CHORDC1: variants seen among roughly 807,000 people sequenced by gnomAD.
CHORDC1 encodes cysteine and histidine rich domain containing 1.
Under a neutral mutation model 48.3 loss-of-function variants are expected in CHORDC1, and 25 were observed. The observed-to-expected ratio is 0.52, with a 90% CI of 0.38 to 0.72. The LOEUF (loss-of-function observed/expected upper bound fraction) is 0.72. Ranked by LOEUF, CHORDC1 falls within the 30% of genes least tolerant of loss-of-function variation. The pLI is 0.00. For synonymous variants in CHORDC1, 128 were observed against 126.4 expected, an observed-to-expected ratio of 1.01 and a Z score of -0.09; for missense variants, 317 against 388.7, an observed-to-expected ratio of 0.82 and a Z score of 1.55.
chr11:90,203,529 A>C (rs944247927), intron 8 of CHORDC1, 102 bp from the exon 9 acceptor site: 2 of 1,095,592 alleles, frequency 1.8e-6, no homozygotes, highest in Non-Finnish European at 2.5e-6. Flanking sequence ...CATGCACAAC[A>C]ACTAAGCACT....
chr11:90,215,117 G>A, intron 3 of CHORDC1, 57 bp downstream of exon 3: 2 of 1,028,386 alleles, frequency 1.9e-6, no homozygotes, highest in Non-Finnish European at 2.8e-6. Context: ...CAAATCTGAA[G>A]CTTTCTATAA....
intron 1 of CHORDC1, chr11:90,222,542 G>C (rs1250832732): frequency 2.0e-6 from 1 of 491,944 alleles, no homozygotes; most frequent in Non-Finnish European, 3.8e-6. Flanking sequence ...GTTAATTTTT[G>C]CTTCCCCAGA....
rs754173552 is a variant in CHORDC1, at chr11:90,206,241, ACTT to A, written c.521_523del (p.Glu174del). The A allele has an allele frequency of 2.4e-5, 38 of 1,576,862 alleles. 1 individual carries two copies. Among genetic ancestry groups the A allele is most frequent in the Admixed American group, 1.0e-4 (6 of 59,882 alleles). ...AGGTACTCCAGAATGATATACACAG[ACTT>A]CTTCTAGACTCTCTAGACCCTGGTA... On this transcript the variant is annotated inframe_deletion, in exon 7 of 11. Coordinates refer to ENST00000320585, the MANE Select transcript of CHORDC1 (RefSeq NM_012124.3).
Position 90,207,773 on chromosome 11 carries a change from AAAAAAC to A in CHORDC1, c.493-1507_493-1502del, listed in dbSNP as rs1312413946. 4.7e-5 allele frequency: 7 copies of A among 148,754 alleles called. No individual in the cohort carries two copies. The East Asian group carries it at 5.9e-4, about 13-fold the overall frequency. 9.2% of individuals were successfully genotyped at this position (148,754 alleles called of 1,614,324 possible). A position where few individuals can be genotyped will look rare whatever the true frequency, so the allele number is the denominator to read the frequency against. On this transcript the variant is annotated intron_variant, in intron 6 of 10. Transcript: ENST00000320585. ...AATGGTTAAAATACAAAAAAAAAAA[AAAAAAC>A]AAAAAAAACTCGTATAACAAAATGT...
chr11:90,208,546 AAAC>A (rs1857770212), intron 6 of CHORDC1: 1 of 152,218 alleles, frequency 6.6e-6, no homozygotes, highest in Non-Finnish European at 1.5e-5. Context: ...AGAAATAAAA[AAAC>A]AAAACTAAAG....
At chr11:90,209,630 G>C (rs1410248352) in intron 6 of CHORDC1, among the ~76,000 whole-genome samples, 3 of 152,106 alleles carry the variant, frequency 2.0e-5, no homozygotes, top group Non-Finnish European at 4.4e-5. Context: ...AAAAAGGAGA[G>C]GGAGAAGAAA....
At chr11:90,207,779 C>CAAAAAAAAAA (rs1231587858) in intron 6 of CHORDC1, 2 of 91,304 alleles carry the variant, frequency 2.2e-5, no homozygotes, top group African/African-American at 8.2e-5. Context: ...AAAAAAAAAA[C>CAAAAAAAAAA]AAAAAAAACT....
Position 90,218,197 on chromosome 11 carries a change from GA to G in CHORDC1, c.65-14del. On this transcript the variant is annotated splice_polypyrimidine_tract_variant and intron_variant, in intron 1 of 10. Transcript: ENST00000320585. ...TATGTGCAAGCATCTGGAGAAAACAGAGAAAAAAAAAAAAGTACCACTCTTT... is the reference window on the plus strand; with the variant it reads ...TATGTGCAAGCATCTGGAGAAAACAGGAAAAAAAAAAAAGTACCACTCTTT... The G allele has an allele frequency of 6.8e-7, 1 of 1,478,626 alleles. No homozygotes were observed. The highest frequency in any genetic ancestry group is 8.9e-7 in the Non-Finnish European group (1 of 1,118,032). The allele number at this position is 1,478,626 out of a possible 1,614,324, so 91.6% of individuals were successfully genotyped here. A position where few individuals can be genotyped will look rare whatever the true frequency, so the allele number is the denominator to read the frequency against.
At chr11:90,206,473 C>T (rs752932156) in intron 6 of CHORDC1, 5 of 485,958 alleles carry the variant, frequency 1.0e-5, no homozygotes, top group Non-Finnish European at 1.9e-5. Context: ...GTTTTAGGTT[C>T]CTTTGAGAAA....
intron 8 of CHORDC1, among the ~76,000 whole-genome samples, chr11:90,205,166 C>A (rs781042667): frequency 6.6e-6 from 1 of 152,058 alleles, no homozygotes; most frequent in Non-Finnish European, 1.5e-5. Context: ...TAGGAAGAGG[C>A]CATGGAGCTA....
rs746528071 is a variant in CHORDC1, at chr11:90,215,240, A to G, written c.115-10T>C. On this transcript the variant is annotated splice_polypyrimidine_tract_variant and intron_variant, in intron 2 of 10. Transcript: ENST00000320585. ...TACAGCAAGACCAACCCTATGAAAA[A>G]CAAGAGAAGGAAACTAAAAACTCTA... 3.2e-6 allele frequency: 5 copies of G among 1,541,150 alleles called. No individual in the cohort carries two copies.
In CHORDC1 at chr11:90,210,554, C is replaced by T; in HGVS notation, c.474G>A (p.Lys158=). 1 of 1,592,260 alleles carries T rather than the reference C, an allele frequency of 6.3e-7. No homozygotes were observed. Among genetic ancestry groups the T allele is most frequent in the Admixed American group, 1.7e-5 (1 of 59,372 alleles). ...TATATACCTTTGAACACCCTCCATT[C>T]TTACATGAGGTCCCAATCTTAATTT... ...NDEIKIGTSC[K]NGGCSKTYQG... is the part of the protein sequence containing the mutation. Residue 158 remains lysine (K), a synonymous_variant, in exon 6 of 11, where the codon AAG becomes AAA. Transcript: ENST00000320585.
intron 6 of CHORDC1, chr11:90,207,760 A>AC (rs1348131501): frequency 9.6e-6 from 1 of 103,756 alleles, no homozygotes; most frequent in Non-Finnish European, 2.0e-5. Context: ...TGGTTAAAAT[A>AC]CAAAAAAAAA....
At chr11:90,219,495 T>C (rs967175800) in intron 1 of CHORDC1, among the ~76,000 whole-genome samples, 2 of 152,194 alleles carry the variant, frequency 1.3e-5, no homozygotes, top group Non-Finnish European at 1.5e-5. Flanking sequence ...GTGACGGCTT[T>C]GATGCCCAGG....
chr11:90,207,826 G>T lies in CHORDC1; in HGVS notation c.493-1554C>A, dbSNP rs1341483809. Reference sequence around the variant, plus strand: ...ATGTTAAGAAACCATAGGACAAGTTGAACTAGCCTCACATACTGCTGGTAG... The same window carrying T: ...ATGTTAAGAAACCATAGGACAAGTTTAACTAGCCTCACATACTGCTGGTAG... On this transcript the variant is annotated intron_variant, in intron 6 of 10. Transcript: ENST00000320585. 5 of 133,626 alleles carry T rather than the reference G, an allele frequency of 3.7e-5. No homozygotes were observed. In the South Asian group the frequency reaches 7.5e-4, roughly 20 times the overall value. 8.3% of individuals were successfully genotyped at this position (133,626 alleles called of 1,614,324 possible).
chr11:90,209,115 A>G (rs1193418167), intron 6 of CHORDC1: 3 of 152,128 alleles, frequency 2.0e-5, no homozygotes, highest in Non-Finnish European at 2.9e-5. Flanking sequence ...TGCCTTCCCC[A>G]ATCCAGTAAT....
intron 6 of CHORDC1, chr11:90,208,278 C>G (rs1214793525): frequency 1.3e-5 from 2 of 151,912 alleles, no homozygotes; most frequent in Admixed American, 1.3e-4. Context: ...AGTAAAAATA[C>G]AAAAATTAGT....
At chr11:90,211,559 T>C in intron 4 of CHORDC1, 1 of 350,058 alleles carries the variant, frequency 2.9e-6, no homozygotes, top group Non-Finnish European at 5.2e-6. Context: ...TGTCAGCATA[T>C]TTAAGTATTA....
At chr11:90,222,053 T>G (rs781754024) in intron 1 of CHORDC1, among the ~76,000 whole-genome samples, 2 of 152,250 alleles carry the variant, frequency 1.3e-5, no homozygotes, top group Non-Finnish European at 2.9e-5. Context: ...TAGTTCAATC[T>G]GAAAACGTGT....
Sources: gnomAD v4.1 joint callset for allele counts (sites outside exome capture counted in the v4.1 genomes callset) on GRCh38, gnomAD v4.1.1 for gene constraint, MANE v1.5 for transcripts, NCBI Gene and HGNC (gene_info 2026-07-23, HGNC 2026-07-21) for gene names.